Variants in RAB8B observed in about 807,000 individuals in gnomAD.
RAB8B encodes the protein RAB8B, member RAS oncogene family.
A neutral mutation model predicts 32.0 loss-of-function variants in RAB8B; 11 were observed. That is an observed-to-expected ratio of 0.34 (90% CI 0.22 to 0.57). The LOEUF (loss-of-function observed/expected upper bound fraction) is 0.57. Ranked by LOEUF, RAB8B falls within the 20% of genes least tolerant of loss-of-function variation. RAB8B has a pLI of 0.86. For missense variants in RAB8B, 190 were observed against 258.5 expected (o/e 0.73, Z 1.82); for synonymous variants, 103 against 89.6 (o/e 1.15, Z -0.85).
At chr15:63,262,527 A>T (rs988871550) in intron 6 of RAB8B, among the ~76,000 whole-genome samples, 165 bp from the exon 7 acceptor site, 1 of 151,772 alleles carries the variant, frequency 6.6e-6, no homozygotes, top group Non-Finnish European at 1.5e-5. Flanking sequence ...GCTACTTAGG[A>T]GACTGAGGTG....
chr15:63,222,734 T>A (rs1411107524), intron 1 of RAB8B, among the ~76,000 whole-genome samples: 2 of 152,094 alleles, frequency 1.3e-5, no homozygotes, highest in Non-Finnish European at 2.9e-5. Flanking sequence ...AGAGATGGGG[T>A]TTCACCATGT....
chr15:63,199,674 TC>T (rs1348279771), intron 1 of RAB8B, among the ~76,000 whole-genome samples: 1 of 152,160 alleles, frequency 6.6e-6, no homozygotes, highest in African/African-American at 2.4e-5. Context: ...GTTTTTTGTT[TC>T]TTTGTGGGCT....
intron 1 of RAB8B, among the ~76,000 whole-genome samples, chr15:63,237,506 A>G (rs558986701): frequency 6.6e-6 from 1 of 152,122 alleles, no homozygotes; most frequent in Non-Finnish European, 1.5e-5. Flanking sequence ...ACACCTTTTC[A>G]TGTATCTGTT....
chr15:63,244,327 A>G (rs1247281208), intron 1 of RAB8B, among the ~76,000 whole-genome samples: 4 of 152,226 alleles, frequency 2.6e-5, no homozygotes, highest in Non-Finnish European at 5.9e-5. Flanking sequence ...AGTCAGTTGC[A>G]GAATCTGAAG....
intron 6 of RAB8B, 69 bp from the exon 7 acceptor site, chr15:63,262,621 ATG>A (rs56847963): frequency 0.24 from 99,365 of 418,644 alleles, 11,104 homozygotes; most frequent in East Asian, 0.44. Flanking sequence ...GAATATATAT[ATG>A]TGTATATATA....
At chr15:63,195,814 AT>A (rs2037595408) in intron 1 of RAB8B, among the ~76,000 whole-genome samples, 1 of 152,192 alleles carries the variant, frequency 6.6e-6, no homozygotes, top group South Asian at 2.1e-4. Flanking sequence ...GGGGAAGTAG[AT>A]TTTAGGTGGC....
chr15:63,258,467 T>C (rs1425140183), intron 5 of RAB8B, among the ~76,000 whole-genome samples: 1 of 152,192 alleles, frequency 6.6e-6, no homozygotes. Flanking sequence ...AGTGAATGAA[T>C]CCCAAGATAA....
intron 1 of RAB8B, among the ~76,000 whole-genome samples, chr15:63,196,961 C>G (rs1445353064): frequency 6.6e-6 from 1 of 152,038 alleles, no homozygotes; most frequent in African/African-American, 2.4e-5. Context: ...TTATAAGAGC[C>G]ATTTCAGCTT....
At chr15:63,232,405 T>C (rs1365732966) in intron 1 of RAB8B, among the ~76,000 whole-genome samples, 1 of 152,224 alleles carries the variant, frequency 6.6e-6, no homozygotes, top group Non-Finnish European at 1.5e-5. Flanking sequence ...AAAGAGAAAT[T>C]AGTAAATTCT....
chr15:63,249,756 AT>A, intron 3 of RAB8B, 51 bp downstream of exon 3: 1 of 1,545,678 alleles, frequency 6.5e-7, no homozygotes, highest in Non-Finnish European at 8.9e-7. Context: ...TAAAGCATGA[AT>A]GTTTGTTTGC....
intron 3 of RAB8B, among the ~76,000 whole-genome samples, chr15:63,250,872 GCTTAAAAGATT>G (rs1299946811): frequency 6.6e-6 from 1 of 151,430 alleles, no homozygotes; most frequent in Non-Finnish European, 1.5e-5. Flanking sequence ...CCAACTCATT[GCTTAAAAGATT>G]CTTGTATTCC....
chr15:63,196,683 A>G (rs1351439824), intron 1 of RAB8B, among the ~76,000 whole-genome samples: 4 of 152,228 alleles, frequency 2.6e-5, no homozygotes, highest in African/African-American at 4.8e-5. Flanking sequence ...ATTTGTTACT[A>G]TTCTCTTTCA....
In RAB8B at chr15:63,229,780, C is replaced by CAAAAAAAAAAAAAAA. The variant is rs56015501; in HGVS notation, c.125-14960_125-14946dup. Reference sequence around the variant, plus strand: ...TAGGTGACAGAGCAAGACGCTGTTTCAAAAAAAAAAAAAAAAAAAAAAAAA... The same window carrying CAAAAAAAAAAAAAAA: ...TAGGTGACAGAGCAAGACGCTGTTTCAAAAAAAAAAAAAAAAAAAAAAAAAAAAAAAAAAAAAAAA... On this transcript the variant is annotated intron_variant, in intron 1 of 7. Coordinates refer to ENST00000321437, the MANE Select transcript of RAB8B (RefSeq NM_016530.3). Among the ~76,000 whole-genome samples, 2 of 35,970 alleles carry CAAAAAAAAAAAAAAA rather than the reference C, an allele frequency of 5.6e-5. 1 individual carries two copies. Among genetic ancestry groups the CAAAAAAAAAAAAAAA allele is most frequent in the African/African-American group, 1.8e-4 (2 of 11,164 alleles). 23.6% of individuals were successfully genotyped at this position (35,970 alleles called of 152,430 possible). A position where few individuals can be genotyped will look rare whatever the true frequency, so the allele number is the denominator to read the frequency against.
chr15:63,211,738 C>G (rs2037748803), intron 1 of RAB8B, among the ~76,000 whole-genome samples: 1 of 152,156 alleles, frequency 6.6e-6, no homozygotes, highest in African/African-American at 2.4e-5. Flanking sequence ...CAACTAGTGA[C>G]TGGTCATGAT....
intron 1 of RAB8B, among the ~76,000 whole-genome samples, chr15:63,190,481 G>A (rs890315412): frequency 1.3e-5 from 2 of 152,180 alleles, no homozygotes; most frequent in African/African-American, 4.8e-5. Context: ...AAGGGAGGTT[G>A]AGCAGAGAAG....
chr15:63,219,700 G>A (rs2037827371), intron 1 of RAB8B, among the ~76,000 whole-genome samples: 1 of 152,190 alleles, frequency 6.6e-6, no homozygotes, highest in Non-Finnish European at 1.5e-5. Context: ...CTGAAGACTT[G>A]TCTCATTTTT....
Position 63,240,914 on chromosome 15 carries a change from T to C in RAB8B, c.125-3842T>C, listed in dbSNP as rs566940633. On this transcript the variant is annotated intron_variant, in intron 1 of 7. Coordinates refer to ENST00000321437, the MANE Select transcript of RAB8B (RefSeq NM_016530.3). Reference sequence around the variant, plus strand: ...TCAAATTGGCATTATTGAGTGAAGGTGGTAAAGTTGCCCATGACTTCTAAT... The same window carrying C: ...TCAAATTGGCATTATTGAGTGAAGGCGGTAAAGTTGCCCATGACTTCTAAT... 2.0e-5 allele frequency among the ~76,000 whole-genome samples: 3 copies of C among 151,528 alleles called. No homozygotes were observed. The East Asian group carries it at 5.8e-4, about 30-fold the overall frequency.
At chr15:63,257,495 G>A (rs759894106) in intron 5 of RAB8B, among the ~76,000 whole-genome samples, 2 of 151,906 alleles carry the variant, frequency 1.3e-5, no homozygotes, top group African/African-American at 2.4e-5. Context: ...TTGAACTCCC[G>A]GCCTCAAGCA....
intron 1 of RAB8B, among the ~76,000 whole-genome samples, chr15:63,209,946 T>A (rs549504309): frequency 1.4e-4 from 21 of 151,700 alleles, no homozygotes; most frequent in African/African-American, 4.8e-4. Flanking sequence ...TTCCCCTCCC[T>A]GTGTCCATGT....
Sources: gnomAD v4.1 joint callset for allele counts (sites outside exome capture counted in the v4.1 genomes callset) on GRCh38, gnomAD v4.1.1 for gene constraint, MANE v1.5 for transcripts, NCBI Gene and HGNC (gene_info 2026-07-23, HGNC 2026-07-21) for gene names.